The following BMP6 variants were observed in gnomAD, a reference collection of about 807,000 sequenced individuals.
The protein encoded by BMP6 is VG-1-R.
In BMP6, 17 loss-of-function variants were observed where a neutral mutation model predicts 54.1. That is an observed-to-expected ratio of 0.31 (90% CI 0.22 to 0.47). The LOEUF is 0.47. Ranked by LOEUF, BMP6 falls within the 20% of genes least tolerant of loss-of-function variation. The pLI, the probability that BMP6 is intolerant of heterozygous loss-of-function variation, is 1.00. For missense variants in BMP6, 720 were observed against 690.4 expected (o/e 1.04, Z -0.48); for synonymous variants, 328 against 291.2 (o/e 1.13, Z -1.28).
intron 1 of BMP6, among the ~76,000 whole-genome samples, chr6:7,758,469 A>G (rs1757559389): frequency 6.6e-6 from 1 of 152,194 alleles, no homozygotes; most frequent in African/African-American, 2.4e-5. Flanking sequence ...GGGTCCTTGC[A>G]GGACCTGACT....
chr6:7,738,746 T>C (rs966933726), intron 1 of BMP6, among the ~76,000 whole-genome samples: 5 of 152,210 alleles, frequency 3.3e-5, no homozygotes, highest in Non-Finnish European at 7.3e-5. Context: ...CAGCTTAAAG[T>C]GTACAGTTCG....
intron 1 of BMP6, among the ~76,000 whole-genome samples, chr6:7,754,838 C>T (rs966805578): frequency 6.6e-6 from 1 of 152,018 alleles, no homozygotes; most frequent in Non-Finnish European, 1.5e-5. Context: ...CTACCTCAGC[C>T]CCCTGAGTAG....
At chr6:7,791,634 C>T (rs891027568) in intron 1 of BMP6, among the ~76,000 whole-genome samples, 2 of 152,144 alleles carry the variant, frequency 1.3e-5, no homozygotes, top group African/African-American at 4.8e-5. Context: ...ACATCACTAC[C>T]TGGAAGTCCC....
At chr6:7,771,598 AC>A (rs1170853819) in intron 1 of BMP6, among the ~76,000 whole-genome samples, 1 of 151,994 alleles carries the variant, frequency 6.6e-6, no homozygotes, top group African/African-American at 2.4e-5. Context: ...AGGCATATTG[AC>A]CCCACAGCCT....
chr6:7,759,185 C>A (rs542555269), intron 1 of BMP6, among the ~76,000 whole-genome samples: 35 of 152,026 alleles, frequency 2.3e-4, no homozygotes, highest in Non-Finnish European at 4.7e-4. Flanking sequence ...CGTTAAGTTC[C>A]TCATTACCAT....
chr6:7,779,580 T>TC (rs1554120388), intron 1 of BMP6, among the ~76,000 whole-genome samples: 162 of 152,328 alleles, frequency 1.1e-3, no homozygotes, highest in Admixed American at 3.7e-3. Context: ...CCTCAAGTGA[T>TC]CTGCCTGCCT....
At chr6:7,826,740 C>T (rs562953164) in intron 1 of BMP6, among the ~76,000 whole-genome samples, 2 of 152,324 alleles carry the variant, frequency 1.3e-5, no homozygotes, top group South Asian at 2.1e-4. Flanking sequence ...GCAGGTGAAT[C>T]AAGATGTAGC....
intron 1 of BMP6, among the ~76,000 whole-genome samples, chr6:7,820,430 G>A (rs953112981): frequency 1.3e-5 from 2 of 152,178 alleles, no homozygotes; most frequent in Admixed American, 1.3e-4. Context: ...TGTTTTTCTG[G>A]CTCTCGGGAC....
intron 1 of BMP6, among the ~76,000 whole-genome samples, chr6:7,799,604 C>T (rs1255802995): frequency 2.0e-5 from 3 of 152,086 alleles, no homozygotes; most frequent in African/African-American, 7.2e-5. Context: ...CTTTGAAATA[C>T]CTACAGCAAC....
At chr6:7,751,250 A>G (rs990703918) in intron 1 of BMP6, among the ~76,000 whole-genome samples, 3 of 152,182 alleles carry the variant, frequency 2.0e-5, no homozygotes, top group Non-Finnish European at 2.9e-5. Context: ...GAGAATTGCA[A>G]AGTGTGTTCC....
intron 1 of BMP6, among the ~76,000 whole-genome samples, chr6:7,729,775 C>G (rs535871462): frequency 6.6e-6 from 1 of 152,104 alleles, no homozygotes; most frequent in Non-Finnish European, 1.5e-5. Flanking sequence ...GTGGGTGTTA[C>G]GTGGGAGGTA....
rs368949840 is a variant in BMP6, at chr6:7,840,443, C to T, written c.665-4697C>T. ...CATTACCTCCGTAAATTGCATACAT[C>T]CTTTTGTATGTATAATTACATAATT... On this transcript the variant is annotated intron_variant, in intron 1 of 6. Transcript: ENST00000283147. Among the ~76,000 whole-genome samples the T allele has an allele frequency of 2.6e-4, 39 of 152,224 alleles. 2 individuals carry two copies. In the South Asian group the frequency reaches 7.5e-3, roughly 29 times the overall value.
intron 1 of BMP6, among the ~76,000 whole-genome samples, chr6:7,840,017 G>C (rs761378414): frequency 6.6e-6 from 1 of 152,206 alleles, no homozygotes; most frequent in Non-Finnish European, 1.5e-5. Flanking sequence ...GGCTGAAGAA[G>C]GAGAGGAGTT....
chr6:7,870,624 A>T (rs554218852), intron 4 of BMP6, among the ~76,000 whole-genome samples: 1 of 151,386 alleles, frequency 6.6e-6, no homozygotes, highest in Non-Finnish European at 1.5e-5. Context: ...TCTTTTTTTT[A>T]AAAAACAACA....
At chr6:7,846,325 T>G (rs1049716747) in intron 2 of BMP6, among the ~76,000 whole-genome samples, 2 of 152,204 alleles carry the variant, frequency 1.3e-5, no homozygotes, top group Non-Finnish European at 2.9e-5. Context: ...TCTATTGATT[T>G]CCCAAGAATT....
At chr6:7,728,622 C>T (rs1420618507) in intron 1 of BMP6, among the ~76,000 whole-genome samples, 1 of 152,166 alleles carries the variant, frequency 6.6e-6, no homozygotes, top group African/African-American at 2.4e-5. Context: ...CATAAGCTGA[C>T]TTAGTTTAGC....
chr6:7,879,076 T>G lies in BMP6; in HGVS notation c.1207T>G (p.Tyr403Asp). Residue 403 changes from tyrosine to aspartate, a missense_variant and splice_region_variant, in exon 5 of 7, where the codon TAC becomes GAC. Transcript: ENST00000283147. ...DVARVSSASD[Y>D]NSSELKTACR... is the part of the protein sequence containing the mutation. The stretch of plus-strand genomic sequence containing the variant: ...CATCTTTTGATCTCCTCCAACAGAT[T>G]ACAACAGCAGTGAATTGAAAACAGC... 1 of 1,613,946 alleles carries G rather than the reference T, an allele frequency of 6.2e-7. No homozygotes were observed. Among genetic ancestry groups the G allele is most frequent in the Non-Finnish European group, 8.5e-7 (1 of 1,179,782 alleles).
At chr6:7,735,216 T>A (rs1156701414) in intron 1 of BMP6, among the ~76,000 whole-genome samples, 1 of 152,212 alleles carries the variant, frequency 6.6e-6, no homozygotes, top group African/African-American at 2.4e-5. Flanking sequence ...GTCCAGAACG[T>A]CTGCGTTTGT....
At chr6:7,793,671 G>A (rs558836412) in intron 1 of BMP6, among the ~76,000 whole-genome samples, 29 of 152,194 alleles carry the variant, frequency 1.9e-4, no homozygotes, top group Admixed American at 1.8e-3. Context: ...CAGCATAGCT[G>A]TAAACCCAAA....
Sources: gnomAD v4.1 joint callset for allele counts (sites outside exome capture counted in the v4.1 genomes callset) on GRCh38, gnomAD v4.1.1 for gene constraint, MANE v1.5 for transcripts, NCBI Gene and HGNC (gene_info 2026-07-23, HGNC 2026-07-21) for gene names.